The following TST variants were observed in gnomAD, a reference collection of about 807,000 sequenced individuals.
TST encodes epididymis secretory sperm binding protein.
In TST, 22 loss-of-function variants were observed where a neutral mutation model predicts 20.4. That is an observed-to-expected ratio of 1.08 (90% CI 0.77 to 1.54). The LOEUF (loss-of-function observed/expected upper bound fraction) is 1.54. Ranked by LOEUF, TST falls within the 40% of genes most tolerant of loss-of-function variation. The pLI is 0.00. For synonymous variants in TST, 187 were observed against 173.8 expected, an observed-to-expected ratio of 1.08 and a Z score of -0.60; for missense variants, 392 against 405.2, an observed-to-expected ratio of 0.97 and a Z score of 0.28.
In TST at chr22:37,011,327, T is replaced by C. The variant is rs755014226; in HGVS notation, c.596-2A>G. 5.0e-6 allele frequency: 8 copies of C among 1,609,298 alleles called. No homozygotes were observed. Among genetic ancestry groups the C allele is most frequent in the Non-Finnish European group, 5.9e-6 (7 of 1,176,558 alleles). On this transcript the variant is annotated splice_acceptor_variant, in intron 2 of 2. Transcript: ENST00000249042. LOFTEE classifies it high-confidence loss of function. ...CACGGATATGGCCCGAGTCCAGTCC[T>C]GGGCAGGGCAGAGGACACAGCTTAG...
chr22:37,015,337 G>C (rs2145898049), intron 2 of TST, among the ~76,000 whole-genome samples: 1 of 152,342 alleles, frequency 6.6e-6, no homozygotes, highest in African/African-American at 2.4e-5. Flanking sequence ...CTCCCTCCAA[G>C]AAGGGAGGCA....
At chr22:37,014,262 C>T (rs535097747) in intron 2 of TST, among the ~76,000 whole-genome samples, 6 of 152,194 alleles carry the variant, frequency 3.9e-5, no homozygotes, top group South Asian at 2.1e-4. Context: ...CCCAGCTACT[C>T]GGGAGGCTGA....
chr22:37,013,068 C>T (rs1021557756), intron 2 of TST, among the ~76,000 whole-genome samples: 2 of 151,948 alleles, frequency 1.3e-5, no homozygotes, highest in African/African-American at 4.8e-5. Flanking sequence ...GTAAACCTCA[C>T]CCACCTCACA....
intron 2 of TST, among the ~76,000 whole-genome samples, chr22:37,016,699 G>C (rs1040596298): frequency 3.9e-5 from 6 of 152,192 alleles, no homozygotes; most frequent in African/African-American, 1.4e-4. Flanking sequence ...GGCCAGGAGA[G>C]GGCTGCAGGC....
chr22:37,018,348 C>A lies in TST; in HGVS notation c.385G>T (p.Gly129Cys). 4 of 1,614,058 alleles carry A rather than the reference C, an allele frequency of 2.5e-6. No homozygotes were observed. The highest frequency in any genetic ancestry group is 3.4e-6 in the Non-Finnish European group (4 of 1,180,030). Residue 129 changes from glycine to cysteine, a missense_variant, in exon 2 of 3, where the codon GGT becomes TGT. Physicochemically the swap from Gly to Cys is radical, Grantham distance 159. Coordinates refer to ENST00000249042, the MANE Select transcript of TST (RefSeq NM_003312.6). Reference sequence around the variant, plus strand: ...TCCTTCAGCCAGTTCCGGAAGCCACCATTGAGCACTGATACGGTGCGGTGG... The same window carrying A: ...TCCTTCAGCCAGTTCCGGAAGCCACAATTGAGCACTGATACGGTGCGGTGG... The part of the protein sequence containing the change: ...FGHRTVSVLN[G>C]GFRNWLKEGH...
chr22:37,019,334 C>T (rs1922863797), intron 1 of TST, 66 bp downstream of exon 1: 1 of 151,818 alleles, frequency 6.6e-6, no homozygotes, highest in Non-Finnish European at 1.5e-5. Context: ...CGCTATCCTT[C>T]CCCGGGCAGC....
In TST at chr22:37,018,510, G is replaced by C. The variant is rs775698023; in HGVS notation, c.223C>G (p.Leu75Val). 17 of 1,602,696 alleles carry C rather than the reference G, an allele frequency of 1.1e-5. No homozygotes were observed. The East Asian group carries it at 3.4e-4, about 32-fold the overall frequency. Residue 75 changes from leucine (L) to valine (V), a missense_variant, in exon 2 of 3, where the codon CTG becomes GTG. Transcript: ENST00000249042. ...RDTASPYEMM[L>V]PSEAGFAEYV... is the part of the protein sequence containing the mutation. ...TCGGCGAAGCCAGCCTCGCTGGGCA[G>C]CATCATCTCGTAGGGCGACGCCGTG...
At position 37,018,437 on chromosome 22, in the gene TST, T is replaced by C. The variant is rs774437307; in HGVS notation, c.296A>G (p.Tyr99Cys). The change falls in exon 2 of 3, where the codon TAT becomes TGT. Residue 99 changes from tyrosine (Y) to cysteine (C), a missense_variant. Physicochemically the swap from Tyr to Cys is radical, Grantham distance 194 (BLOSUM62 -2). Coordinates refer to ENST00000249042, the MANE Select transcript of TST (RefSeq NM_003312.6). ...GISNHTHVVV[Y>C]DGEHLGSFYA... The stretch of plus-strand genomic sequence containing the variant: ...GAAGCTGCCCAGGTGTTCACCATCA[T>C]ACACCACCACGTGCGTGTGGTTGCT... 3 of 1,613,208 alleles carry C rather than the reference T, an allele frequency of 1.9e-6. No homozygotes were observed. Among genetic ancestry groups the C allele is most frequent in the East Asian group, 4.5e-5 (2 of 44,862 alleles).
At chr22:37,015,855 G>A (rs150094688) in intron 2 of TST, among the ~76,000 whole-genome samples, 4 of 152,080 alleles carry the variant, frequency 2.6e-5, no homozygotes, top group Non-Finnish European at 5.9e-5. Flanking sequence ...TTGGAGGAGG[G>A]GGTTGGGGGG....
chr22:37,018,621 A>T lies in TST; in HGVS notation c.112T>A (p.Ser38Thr), dbSNP rs1254336932. 2.5e-6 allele frequency: 4 copies of T among 1,572,904 alleles called. No homozygotes were observed. Among genetic ancestry groups the T allele is most frequent in the Non-Finnish European group, 3.4e-6 (4 of 1,159,950 alleles). The change falls in exon 2 of 3, where the codon TCA becomes ACA. Residue 38 changes from serine (S) to threonine (T), a missense_variant. By Grantham distance (58) the Ser-to-Thr change is moderately conservative (BLOSUM62 1). Transcript: ENST00000249042. ...GLRVLDASWY[S>T]PGTREARKEY... ...TTGCGGGCCTCTCGGGTGCCTGGTG[A>T]GTACCAGGACGCGTCCAGCACCCGC...
At chr22:37,011,924 G>A (rs1392031034) in intron 2 of TST, among the ~76,000 whole-genome samples, 1 of 152,166 alleles carries the variant, frequency 6.6e-6, no homozygotes, top group Non-Finnish European at 1.5e-5. Context: ...GAAAGATGAA[G>A]GCAGACCCAG....
In TST at chr22:37,018,719, A is replaced by C. The variant is rs764442421; in HGVS notation, c.14T>G (p.Val5Gly). 8.5e-5 allele frequency: 127 copies of C among 1,497,242 alleles called. No individual in the cohort carries two copies. Among genetic ancestry groups the C allele is most frequent in the Non-Finnish European group, 1.0e-4 (117 of 1,129,038 alleles). The allele number at this position is 1,497,242 out of a possible 1,614,324, so 92.7% of individuals were successfully genotyped here. ...GGTGGAGACCAGCGCCCGGTAGAGC[A>C]CCTGATGAACCATGGCTTCAGCTCT... MVHQ[V>G]LYRALVSTKW... The change falls in exon 2 of 3, where the codon GTG becomes GGG. Residue 5 changes from valine to glycine, a missense_variant. By Grantham distance (109) the Val-to-Gly change is moderately radical. Transcript: ENST00000249042.
chr22:37,017,762 G>A (rs752971324), intron 2 of TST, among the ~76,000 whole-genome samples: 2 of 152,170 alleles, frequency 1.3e-5, no homozygotes, highest in Non-Finnish European at 2.9e-5. Context: ...GGATGTGTCC[G>A]TGGGAGGTTT....
chr22:37,011,871 G>A (rs115228180), intron 2 of TST, among the ~76,000 whole-genome samples: 218 of 152,258 alleles, frequency 1.4e-3, no homozygotes, highest in South Asian at 8.3e-3. Flanking sequence ...AGATGAATCC[G>A]CTGAGTCTTG....
Position 37,018,532 on chromosome 22 carries a change from C to CTACTAT in TST, c.200_201insATAGTA (p.Thr67_Ala68insTer). 1 of 1,584,040 alleles carries CTACTAT rather than the reference C, an allele frequency of 6.3e-7. No homozygotes were observed. On this transcript the variant is annotated stop_gained and inframe_insertion, in exon 2 of 3. Transcript: ENST00000249042. LOFTEE classifies it high-confidence loss of function. ...GCAGCATCATCTCGTAGGGCGACGC[C>CTACTAT]GTGTCCCGGCACTCTTCTATGTCAA...
chr22:37,014,364 C>T (rs889168710), intron 2 of TST, among the ~76,000 whole-genome samples: 7 of 152,082 alleles, frequency 4.6e-5, no homozygotes, highest in Non-Finnish European at 7.4e-5. Flanking sequence ...AGCGAGACTC[C>T]GTCTCAAAAA....
At chr22:37,019,882 G>A, upstream of TST, 1 of 1,209,024 alleles carries the variant, frequency 8.3e-7, no homozygotes, top group Non-Finnish European at 1.0e-6. Flanking sequence ...GGTAACTGCC[G>A]CGGCGTGGCG....
rs1922768061 is a variant in TST, at chr22:37,018,214, T to G, written c.519A>C (p.Glu173Asp). The change falls in exon 2 of 3, where the codon GAA becomes GAC. Residue 173 changes from glutamate (E) to aspartate (D), a missense_variant. By Grantham distance (45) the Glu-to-Asp change is conservative. Coordinates refer to ENST00000249042, the MANE Select transcript of TST (RefSeq NM_003312.6). The part of the protein sequence containing the change: ...KTYEQVLENL[E>D]SKRFQLVDSR... ...AATCCACCAGCTGGAACCTCTTAGATTCAAGGTTCTCCAGCACCTGCTCGT... is the reference window on the plus strand; with the variant it reads ...AATCCACCAGCTGGAACCTCTTAGAGTCAAGGTTCTCCAGCACCTGCTCGT... The G allele has an allele frequency of 2.5e-6, 4 of 1,613,370 alleles. No individual in the cohort carries two copies. The highest frequency in any genetic ancestry group is 1.3e-5 in the African/African-American group (1 of 74,908).
upstream of TST, chr22:37,019,814 G>A (rs1034285379): frequency 1.8e-5 from 21 of 1,169,296 alleles, no homozygotes; most frequent in Admixed American, 4.2e-5. Context: ...GGCGCGGGGA[G>A]GGGGCGCCGC....
Sources: allele counts gnomAD v4.1 joint callset (sites outside exome capture counted in the v4.1 genomes callset), GRCh38; gene constraint gnomAD v4.1.1; transcripts MANE v1.5; gene names NCBI Gene and HGNC (gene_info 2026-07-23, HGNC 2026-07-21).